DAB1: variants seen among roughly 807,000 people sequenced by gnomAD.
DAB1 encodes disabled homolog 1.
In DAB1, 15 loss-of-function variants were observed where a neutral mutation model predicts 64.6. The observed-to-expected ratio is 0.23, with a 90% confidence interval of 0.16 to 0.36. DAB1 has a LOEUF of 0.36. Ranked by LOEUF, DAB1 falls within the 10% of genes least tolerant of loss-of-function variation. DAB1 has a pLI of 1.00. For synonymous variants in DAB1, 235 were observed against 251.9 expected, an observed-to-expected ratio of 0.93 and a Z score of 0.64; for missense variants, 596 against 706.7, an observed-to-expected ratio of 0.84 and a Z score of 1.78.
chr1:57,266,949 A>G (rs1178670480), intron 2 of DAB1, among the ~76,000 whole-genome samples: 4 of 152,196 alleles, frequency 2.6e-5, no homozygotes, highest in Non-Finnish European at 5.9e-5. Flanking sequence ...GTGACACACC[A>G]TGTCAGCCCT....
intron 2 of DAB1, among the ~76,000 whole-genome samples, chr1:57,280,513 G>A (rs1199909507): frequency 6.6e-6 from 1 of 152,188 alleles, no homozygotes; most frequent in Non-Finnish European, 1.5e-5. Flanking sequence ...GAGCATATAC[G>A]TAACCAGACT....
At chr1:58,194,899 C>T (rs1235120584) in intron 4 of DAB1, among the ~76,000 whole-genome samples, 1 of 152,196 alleles carries the variant, frequency 6.6e-6, no homozygotes, top group Non-Finnish European at 1.5e-5. Flanking sequence ...GAATACTGTT[C>T]AACCCGTGGC....
chr1:58,167,956 C>T (rs759629309), intron 4 of DAB1, among the ~76,000 whole-genome samples: 16 of 152,162 alleles, frequency 1.1e-4, no homozygotes, highest in Non-Finnish European at 2.1e-4. Flanking sequence ...TTGAAGTCAG[C>T]GAGACAAAGA....
intron 1 of DAB1, among the ~76,000 whole-genome samples, chr1:57,829,320 CA>C (rs1168824991): frequency 6.6e-6 from 1 of 152,160 alleles, no homozygotes; most frequent in African/African-American, 2.4e-5. Context: ...GGTAGGTAGT[CA>C]GAAATGTTTT....
At chr1:58,220,695 C>T (rs368653693) in intron 4 of DAB1, among the ~76,000 whole-genome samples, 1 of 152,006 alleles carries the variant, frequency 6.6e-6, no homozygotes, top group Non-Finnish European at 1.5e-5. Flanking sequence ...CCCACTAAAC[C>T]CATTTCCCCA....
intron 2 of DAB1, among the ~76,000 whole-genome samples, chr1:57,192,872 G>T (rs932846555): frequency 1.3e-5 from 2 of 152,046 alleles, no homozygotes; most frequent in Non-Finnish European, 2.9e-5. Context: ...TCATAAGGTT[G>T]TACAACCACC....
intron 4 of DAB1, among the ~76,000 whole-genome samples, chr1:57,080,293 T>C (rs1261131134): frequency 6.6e-6 from 1 of 152,182 alleles, no homozygotes; most frequent in Non-Finnish European, 1.5e-5. Flanking sequence ...TAAACATTTT[T>C]ATGAATGAAT....
chr1:57,720,901 C>T (rs752602449), intron 6 of DAB1, among the ~76,000 whole-genome samples: 7 of 152,156 alleles, frequency 4.6e-5, no homozygotes, highest in African/African-American at 1.7e-4. Context: ...TTGAAACACA[C>T]CTTGTATCAC....
intron 5 of DAB1, among the ~76,000 whole-genome samples, chr1:57,889,908 G>GCC (rs796260508): frequency 2.2e-5 from 2 of 90,458 alleles, no homozygotes; most frequent in African/African-American, 7.5e-5. Flanking sequence ...GCGGGGGGGG[G>GCC]GGAGGGGGAA....
intron 4 of DAB1, among the ~76,000 whole-genome samples, chr1:58,267,694 C>T (rs547432466): frequency 3.9e-5 from 6 of 152,276 alleles, no homozygotes; most frequent in African/African-American, 1.4e-4. Context: ...ATATGTCAAT[C>T]TCATAAGGAT....
chr1:58,262,635 C>T (rs1439452747), intron 4 of DAB1, among the ~76,000 whole-genome samples: 1 of 152,158 alleles, frequency 6.6e-6, no homozygotes, highest in Non-Finnish European at 1.5e-5. Flanking sequence ...GTTTCCTCAA[C>T]TGCAAACTGA....
chr1:58,378,086 T>C (rs2100544015), intron 3 of DAB1, among the ~76,000 whole-genome samples: 1 of 135,048 alleles, frequency 7.4e-6, no homozygotes, highest in African/African-American at 2.8e-5. Context: ...TTCTTCTAAA[T>C]TTTTTTCAAA....
At position 57,246,490 on chromosome 1, in the gene DAB1, G is replaced by A. The variant is rs1482532465; in HGVS notation, c.67+44474C>T. On this transcript the variant is annotated intron_variant, in intron 2 of 14. Transcript: ENST00000371236. ...AGAGGATGTATAGAAATGCCTGGAT[G>A]TCCAGGTAGAAGTCTGCTACAGGGA... Among the ~76,000 whole-genome samples, 14 of 152,334 alleles carry A rather than the reference G, an allele frequency of 9.2e-5. No homozygotes were observed. The East Asian group carries it at 2.5e-3, about 27-fold the overall frequency.
chr1:57,756,114 C>T (rs1292752167), intron 6 of DAB1, among the ~76,000 whole-genome samples: 1 of 152,128 alleles, frequency 6.6e-6, no homozygotes, highest in African/African-American at 2.4e-5. Flanking sequence ...CAATGCTCAC[C>T]CGAAAACTGG....
At chr1:58,159,550 G>A (rs1227752124) in intron 4 of DAB1, among the ~76,000 whole-genome samples, 1 of 152,138 alleles carries the variant, frequency 6.6e-6, no homozygotes, top group Admixed American at 6.5e-5. Flanking sequence ...GCATGCATAT[G>A]TAAAATCTCT....
chr1:57,194,645 G>A (rs891557924), intron 2 of DAB1, among the ~76,000 whole-genome samples: 10 of 152,232 alleles, frequency 6.6e-5, no homozygotes, highest in African/African-American at 1.9e-4. Flanking sequence ...TCAGCTAGCC[G>A]CCTTTGCACA....
At chr1:57,411,604 T>C (rs946197897) in intron 1 of DAB1, among the ~76,000 whole-genome samples, 2 of 152,200 alleles carry the variant, frequency 1.3e-5, no homozygotes, top group Non-Finnish European at 2.9e-5. Flanking sequence ...TCTCTCTCCA[T>C]AGGAAACCCA....
intron 3 of DAB1, among the ~76,000 whole-genome samples, chr1:58,425,319 C>T (rs1386570993): frequency 2.0e-5 from 3 of 152,230 alleles, no homozygotes; most frequent in African/African-American, 4.8e-5. Context: ...GAAAGACAAG[C>T]CATGTCCTGA....
intron 4 of DAB1, among the ~76,000 whole-genome samples, chr1:57,108,468 A>C (rs1477119007): frequency 6.6e-6 from 1 of 152,194 alleles, no homozygotes; most frequent in African/African-American, 2.4e-5. Context: ...TAACCAGGCT[A>C]GCTTCTTCCT....
Sources: gnomAD v4.1 joint callset for allele counts (sites outside exome capture counted in the v4.1 genomes callset) on GRCh38, gnomAD v4.1.1 for gene constraint, MANE v1.5 for transcripts, NCBI Gene and HGNC (gene_info 2026-07-23, HGNC 2026-07-21) for gene names.